The following ARHGAP23 variants were observed in gnomAD, a reference collection of about 807,000 sequenced individuals.
ARHGAP23 encodes Rho GTPase activating protein 23.
In ARHGAP23, 34 loss-of-function variants were observed where a neutral mutation model predicts 136.3. The observed-to-expected ratio is 0.25, with a 90% confidence interval of 0.19 to 0.33. ARHGAP23 has a LOEUF of 0.33. Ranked by LOEUF, ARHGAP23 falls within the 10% of genes least tolerant of loss-of-function variation. ARHGAP23 has a pLI of 1.00. For synonymous variants in ARHGAP23, 832 were observed against 920.5 expected, an observed-to-expected ratio of 0.90 and a Z score of 1.74; for missense variants, 1,808 against 2,139.0, an observed-to-expected ratio of 0.85 and a Z score of 3.05.
At chr17:38,433,289 A>G (rs2038724156) in intron 1 of ARHGAP23, among the ~76,000 whole-genome samples, 1 of 152,184 alleles carries the variant, frequency 6.6e-6, no homozygotes, top group Admixed American at 6.5e-5. Flanking sequence ...ATAATCCCTC[A>G]AAATTACAGA....
upstream of ARHGAP23, among the ~76,000 whole-genome samples, chr17:38,425,475 A>G (rs1393529679): frequency 6.6e-6 from 1 of 152,188 alleles, no homozygotes; most frequent in Non-Finnish European, 1.5e-5. Flanking sequence ...AGGCCCCTCA[A>G]GGGAAGGATC....
chr17:38,500,430 A>G (rs2040495271), intron 22 of ARHGAP23, 167 bp from the exon 23 acceptor site: 1 of 626,500 alleles, frequency 1.6e-6, no homozygotes, highest in Admixed American at 2.8e-5. Context: ...TCCCTCTCCC[A>G]TAGATGGACA....
At chr17:38,460,092 A>G (rs2039422507) in intron 2 of ARHGAP23, among the ~76,000 whole-genome samples, 1 of 152,152 alleles carries the variant, frequency 6.6e-6, no homozygotes, top group Non-Finnish European at 1.5e-5. Flanking sequence ...AAAATGCCAC[A>G]TCCAGCTGAC....
intron 20 of ARHGAP23, among the ~76,000 whole-genome samples, chr17:38,492,778 T>C (rs1333271244): frequency 6.6e-6 from 1 of 152,226 alleles, no homozygotes; most frequent in African/African-American, 2.4e-5. Context: ...TCCAGAGCTG[T>C]CTGGGAGGCC....
intron 23 of ARHGAP23, among the ~76,000 whole-genome samples, chr17:38,507,641 C>T (rs1023426499): frequency 2.0e-5 from 3 of 152,162 alleles, no homozygotes; most frequent in African/African-American, 4.8e-5. Context: ...CCTCTTAAGT[C>T]TCTCAGAGAG....
intron 6 of ARHGAP23, among the ~76,000 whole-genome samples, chr17:38,465,908 G>A (rs1447623150): frequency 6.6e-6 from 1 of 152,204 alleles, no homozygotes; most frequent in Non-Finnish European, 1.5e-5. Flanking sequence ...TGTGGCTAGG[G>A]CAGTCCTTGT....
chr17:38,449,198 C>T (rs1456100119), intron 1 of ARHGAP23, among the ~76,000 whole-genome samples: 1 of 152,302 alleles, frequency 6.6e-6, no homozygotes, highest in East Asian at 1.9e-4. Flanking sequence ...GTGACAAGTG[C>T]TTCCTCATCT....
rs115941914 is a variant in ARHGAP23, at chr17:38,466,898, G to A, written c.1215G>A (p.Pro405=). The change falls in exon 7 of 24, where the codon CCG becomes CCA. Residue 405 remains proline, a synonymous_variant. Coordinates refer to ENST00000622683, the MANE Select transcript of ARHGAP23 (RefSeq NM_001199417.2). Reference sequence around the variant, plus strand: ...TGCCAGGGCCCCAGGCCCCACCCCCGTCTGGCCTGCAGGGCCTGGATGACC... The same window carrying A: ...TGCCAGGGCCCCAGGCCCCACCCCCATCTGGCCTGCAGGGCCTGGATGACC... ...RDLPGPQAPP[P]SGLQGLDDLG... The A allele has an allele frequency of 3.0e-3, 4,620 of 1,550,270 alleles. 55 individuals carry two copies. In the African/African-American group the frequency reaches 0.038, roughly 13 times the overall value.
At chr17:38,435,143 G>A (rs1458920681) in intron 1 of ARHGAP23, among the ~76,000 whole-genome samples, 1 of 152,212 alleles carries the variant, frequency 6.6e-6, no homozygotes, top group Non-Finnish European at 1.5e-5. Context: ...ACAGGCCAAG[G>A]GGATAGAGCA....
Position 38,490,162 on chromosome 17 carries a change from C to T in ARHGAP23, c.3047C>T (p.Thr1016Met), listed in dbSNP as rs767269458. The change falls in exon 18 of 24, where the codon ACG becomes ATG. Residue 1016 changes from threonine (T) to methionine (M), a missense_variant. Coordinates refer to ENST00000622683, the MANE Select transcript of ARHGAP23 (RefSeq NM_001199417.2). ...RIEDARERMR[T>M]LRKLIRDLPG... ...GAGGACGCGCGGGAGCGAATGAGGA[C>T]GCTGCGGAAGCTGGTAAGGAGAGAG... 1.8e-4 allele frequency: 279 copies of T among 1,551,534 alleles called. 1 individual carries two copies. In the Middle Eastern group the frequency reaches 3.7e-3, roughly 20 times the overall value.
intron 23 of ARHGAP23, among the ~76,000 whole-genome samples, chr17:38,502,857 C>T (rs541125715): frequency 1.3e-5 from 2 of 152,200 alleles, no homozygotes; most frequent in South Asian, 4.2e-4. Context: ...CCAGCCTGGA[C>T]AACATAGTGA....
intron 23 of ARHGAP23, among the ~76,000 whole-genome samples, chr17:38,507,998 GC>G (rs1258217061): frequency 6.6e-6 from 1 of 152,250 alleles, no homozygotes; most frequent in African/African-American, 2.4e-5. Context: ...ACCAGTCCCA[GC>G]GTCTGCTTCT....
chr17:38,510,298 C>CGGGCAG lies in ARHGAP23; in HGVS notation c.3807_3812dup (p.Ala1271_Gly1272dup). On this transcript the variant is annotated inframe_insertion, in exon 24 of 24. Transcript: ENST00000622683. The surrounding 1 kb of genome is among the most constrained non-coding windows in gnomAD (Gnocchi z 4.6). The stretch of plus-strand genomic sequence containing the variant: ...CGTGTGCTCGGGCGCTAGCGGTCGG[C>CGGGCAG]GGGCAGGGGCGGGGGATGAGGCGGA... 1.6e-6 allele frequency: 2 copies of CGGGCAG among 1,279,756 alleles called. No homozygotes were observed. The highest frequency in any genetic ancestry group is 2.0e-6 in the Non-Finnish European group (2 of 1,013,522). 79.3% of individuals were successfully genotyped at this position (1,279,756 alleles called of 1,614,324 possible).
intron 1 of ARHGAP23, among the ~76,000 whole-genome samples, chr17:38,442,070 C>G (rs940502497): frequency 3.9e-5 from 6 of 152,338 alleles, no homozygotes; most frequent in African/African-American, 1.4e-4. Flanking sequence ...ATCCTCCCAC[C>G]TCAGCCTCCC....
intron 3 of ARHGAP23, among the ~76,000 whole-genome samples, chr17:38,461,847 G>A (rs893918307): frequency 1.1e-4 from 17 of 152,136 alleles, no homozygotes; most frequent in African/African-American, 3.9e-4. Context: ...CTTGTATGGC[G>A]CCCTTTCCTC....
At chr17:38,436,119 C>T (rs574995557) in intron 1 of ARHGAP23, among the ~76,000 whole-genome samples, 16 of 152,162 alleles carry the variant, frequency 1.1e-4, no homozygotes, top group South Asian at 4.1e-4. Context: ...TCAAGGAAGG[C>T]GAGGGGGACA....
At chr17:38,474,119 CTA>C (rs1334716273) in intron 11 of ARHGAP23, among the ~76,000 whole-genome samples, 1 of 152,280 alleles carries the variant, frequency 6.6e-6, no homozygotes, top group East Asian at 1.9e-4. Flanking sequence ...CTGGGTTTCA[CTA>C]TGTTGGCCAG....
At chr17:38,419,295 G>C (rs2038495498) in exon 1 of ARHGAP23, 1 of 152,054 alleles carries the variant, frequency 6.6e-6, no homozygotes, top group Non-Finnish European at 1.5e-5. Context: ...CTTGGCGGTC[G>C]CCGGGTGCAG....
intron 20 of ARHGAP23, among the ~76,000 whole-genome samples, chr17:38,494,139 G>A (rs1433332494): frequency 6.6e-6 from 1 of 152,212 alleles, no homozygotes; most frequent in East Asian, 1.9e-4. Context: ...TGCCCACTGG[G>A]GTGGGGGGAT....
Sources: gnomAD v4.1 joint callset for allele counts (sites outside exome capture counted in the v4.1 genomes callset) on GRCh38, gnomAD v4.1.1 for gene constraint, Gnocchi (gnomAD v3.1) non-coding constraint, MANE v1.5 for transcripts, NCBI Gene and HGNC (gene_info 2026-07-23, HGNC 2026-07-21) for gene names.